The following SHARPIN variants were observed in gnomAD, a reference collection of about 807,000 sequenced individuals.
SHARPIN encodes the protein hSIPL1.
Under a neutral mutation model 40.3 loss-of-function variants are expected in SHARPIN, and 25 were observed. The ratio of observed to expected loss-of-function variants is 0.62; its 90% CI spans 0.45 to 0.87. The LOEUF (loss-of-function observed/expected upper bound fraction) is 0.87, where lower values mean the gene tolerates loss of function less well. Among genes scored for constraint, SHARPIN ranks in the 40% least tolerant of loss-of-function variants. The pLI is 0.00. For missense variants in SHARPIN, 551 were observed against 516.1 expected (o/e 1.07, Z -0.66); for synonymous variants, 274 against 221.8 (o/e 1.24, Z -2.09).
In SHARPIN at chr8:144,099,398, C is replaced by T. The variant is rs1260749602; in HGVS notation, c.801G>A (p.Val267=). 1 of 1,613,018 alleles carries T rather than the reference C, an allele frequency of 6.2e-7. No homozygotes were observed. The highest frequency in any genetic ancestry group is 8.5e-7 in the Non-Finnish European group (1 of 1,179,504). The change falls in exon 6 of 9, where the codon GTG becomes GTA. Residue 267 remains valine, a synonymous_variant. Coordinates refer to ENST00000398712, the MANE Select transcript of SHARPIN (RefSeq NM_030974.4). ...GGCACCGTCCGATGACCCAGCGTTG[C>T]ACGGCTGGCGGGAAACCGAGCTCTG... ...VFSELGFPPA[V]QRWVIGRCLC... is the part of the protein sequence containing the mutation.
rs992686614 is a variant in SHARPIN at position 144,103,707 on chromosome 8, C to A, written c.47G>T (p.Gly16Val). ...GGAAAAASDL[G>V]SAAVLLAVHA... ...CACAGCCAAGAGCACTGCGGCGGAG[C>A]CCAAGTCCGAGGCCGCCGCCGCCGC... Residue 16 changes from glycine to valine, a missense_variant, in exon 1 of 9, where the codon GGC (glycine) becomes GTC (valine). Transcript: ENST00000398712. The A allele has an allele frequency of 4.9e-6, 7 of 1,440,686 alleles. No homozygotes were observed. Among genetic ancestry groups the A allele is most frequent in the Admixed American group, 5.4e-5 (2 of 36,854 alleles). 89.2% of individuals were successfully genotyped at this position (1,440,686 alleles called of 1,614,324 possible). A position where few individuals can be genotyped will look rare whatever the true frequency, so the allele number is the denominator to read the frequency against.
At chr8:144,101,575 ATTTTTT>A (rs58173496) in intron 2 of SHARPIN, among the ~76,000 whole-genome samples, 62 of 87,536 alleles carry the variant, frequency 7.1e-4, no homozygotes, top group South Asian at 1.9e-3. Context: ...CACCCAGCTA[ATTTTTT>A]TTTTTTTTTT....
At chr8:144,103,453 G>A (rs1836331980) in intron 1 of SHARPIN, 100 bp downstream of exon 1, 1 of 1,292,370 alleles carries the variant, frequency 7.7e-7, no homozygotes, top group Non-Finnish European at 1.1e-6. Context: ...AAACATAACT[G>A]CTTAAGGGCA....
At chr8:144,102,853 GC>G in intron 2 of SHARPIN, 197 bp downstream of exon 2, 2 of 672,944 alleles carry the variant, frequency 3.0e-6, no homozygotes, top group Non-Finnish European at 5.2e-6. Flanking sequence ...ACTTGTGCTG[GC>G]TGGGGCCTCA....
chr8:144,099,798 C>T lies in SHARPIN; in HGVS notation c.564G>A (p.Glu188=). The T allele has an allele frequency of 6.2e-7, 1 of 1,612,930 alleles. No homozygotes were observed. Among genetic ancestry groups the T allele is most frequent in the Non-Finnish European group, 8.5e-7 (1 of 1,179,994 alleles). ...CGGCTGCCACTTGGGCTGCCCCCTT[C>T]TCGTCTCCACCTGCAATAGCCCGGG... is the stretch of plus-strand genomic sequence containing the variant. The part of the protein sequence containing the change: ...SLARAIAGGD[E]KGAAQVAAVL... Residue 188 remains glutamate, a synonymous_variant, in exon 4 of 9, where the codon GAG becomes GAA. Transcript: ENST00000398712.
chr8:144,099,591 G>A lies in SHARPIN; in HGVS notation c.687C>T (p.Ala229=). The A allele has an allele frequency of 1.9e-6, 3 of 1,614,082 alleles. No individual in the cohort carries two copies. The highest frequency in any genetic ancestry group is 1.7e-6 in the Non-Finnish European group (2 of 1,179,994). ...IRLQVTLEDA[A]SAASAASSAH... ...CAGAGGACGCGGCGGATGCGGCAGA[G>A]GCAGCGTCTTCAAGTGTGACCTGCA... The change falls in exon 5 of 9, where the codon GCC becomes GCT. Residue 229 remains alanine (A), a synonymous_variant. Transcript: ENST00000398712.
At position 144,099,193 on chromosome 8, in the gene SHARPIN, C is replaced by G. The variant is rs1425190173; in HGVS notation, c.935G>C (p.Ser312Thr). The change falls in exon 7 of 9, where the codon AGC (serine) becomes ACC (threonine). Residue 312 changes from serine (S) to threonine (T), a missense_variant. Coordinates refer to ENST00000398712, the MANE Select transcript of SHARPIN (RefSeq NM_030974.4). ...GTCCATCTTCTGGGGGTGCTGAGGG[C>G]TAGGTCCTGTGGCTGAGGGGGTGGA... is the stretch of plus-strand genomic sequence containing the variant. ...APREAPATGP[S>T]PQHPQKMDGE... 3.1e-6 allele frequency: 5 copies of G among 1,604,390 alleles called. No individual in the cohort carries two copies. Among genetic ancestry groups the G allele is most frequent in the Non-Finnish European group, 4.3e-6 (5 of 1,176,238 alleles).
chr8:144,101,717 A>G (rs1836291761), intron 2 of SHARPIN, among the ~76,000 whole-genome samples: 1 of 150,274 alleles, frequency 6.7e-6, no homozygotes, highest in African/African-American at 2.5e-5. Flanking sequence ...TGCCCGGCCC[A>G]CTCAGCTAAT....
intron 1 of SHARPIN, 129 bp downstream of exon 1, chr8:144,103,424 C>T (rs956932397): frequency 2.6e-6 from 3 of 1,145,364 alleles, no homozygotes; most frequent in Non-Finnish European, 3.7e-6. Context: ...ATTTCACGGA[C>T]GAGAAAACAG....
In SHARPIN at chr8:144,098,980, A is replaced by G. The variant is rs1471380195; in HGVS notation, c.1062T>C (p.Cys354=). ...GGGCATTGATGAAGGTGCAGGAAGG[A>G]CAGGACCAGCTGGGCTGGGGGAAGA... is the stretch of plus-strand genomic sequence containing the variant. ...LPSPLQPSWS[C]PSCTFINAPD... Residue 354 remains cysteine (C), a synonymous_variant, in exon 8 of 9, where the codon TGT becomes TGC. Transcript: ENST00000398712. 6.2e-7 allele frequency: 1 copy of G among 1,602,782 alleles called. No individual in the cohort carries two copies. Among genetic ancestry groups the G allele is most frequent in the African/African-American group, 1.4e-5 (1 of 74,040 alleles).
chr8:144,100,211 C>G (rs1836263722), intron 2 of SHARPIN, 142 bp from the exon 3 acceptor site: 1 of 1,034,576 alleles, frequency 9.7e-7, no homozygotes, highest in Non-Finnish European at 1.3e-6. Flanking sequence ...CACACCTTCT[C>G]CCAGCCTTGG....
chr8:144,099,575 C>G lies in SHARPIN; in HGVS notation c.703G>C (p.Ala235Pro). The G allele has an allele frequency of 6.2e-7, 1 of 1,614,080 alleles. No individual in the cohort carries two copies. Among genetic ancestry groups the G allele is most frequent in the Non-Finnish European group, 8.5e-7 (1 of 1,180,012 alleles). ...TGCAGGGCAACGTGTGCAGAGGACG[C>G]GGCGGATGCGGCAGAGGCAGCGTCT... ...LEDAASAASA[A>P]SSAHVALQVH... The change falls in exon 5 of 9, where the codon GCG becomes CCG. Residue 235 changes from alanine to proline, a missense_variant. By Grantham distance (27) the Ala-to-Pro change is conservative. Coordinates refer to ENST00000398712, the MANE Select transcript of SHARPIN (RefSeq NM_030974.4).
Position 144,103,156 on chromosome 8 carries a change from G to C in SHARPIN, c.271C>G (p.Pro91Ala), listed in dbSNP as rs765165425. ...AGGGTTCCAGGCCCTCCTGGTGGAG[G>C]CTGTAGCTCGTGCTGGGTGGGGCCT... ...IRGPTQHELQ[P>A]PPGGPGTLSL... The change falls in exon 2 of 9, where the codon CCT becomes GCT. Residue 91 changes from proline (P) to alanine (A), a missense_variant. Coordinates refer to ENST00000398712, the MANE Select transcript of SHARPIN (RefSeq NM_030974.4). The C allele has an allele frequency of 3.1e-6, 5 of 1,613,596 alleles. No homozygotes were observed. The highest frequency in any genetic ancestry group is 1.7e-4 in the Middle Eastern group (1 of 6,048).
At position 144,103,697 on chromosome 8, in the gene SHARPIN, T is replaced by G. The variant is rs760404820; in HGVS notation, c.57A>C (p.Ala19=). 2.7e-6 allele frequency: 4 copies of G among 1,481,822 alleles called. No individual in the cohort carries two copies. The South Asian group carries it at 3.8e-5, about 14-fold the overall frequency. The allele number at this position is 1,481,822 out of a possible 1,614,324, so 91.8% of individuals were successfully genotyped here. ...CCGCGGCGTGCACAGCCAAGAGCAC[T>G]GCGGCGGAGCCCAAGTCCGAGGCCG... ...AAAASDLGSA[A]VLLAVHAAVR... is the part of the protein sequence containing the mutation. Residue 19 remains alanine (A), a synonymous_variant, in exon 1 of 9, where the codon GCA becomes GCC. Transcript: ENST00000398712.
At position 144,098,661 on chromosome 8, in the gene SHARPIN, T is replaced by G; in HGVS notation, c.*140A>C. On this transcript the variant is annotated 3_prime_UTR_variant, in exon 9 of 9. Coordinates refer to ENST00000398712, the MANE Select transcript of SHARPIN (RefSeq NM_030974.4). ...CTGGCTCTTAAGGGTCTTTAATGGTTTCATTTTGTGGCCCTTCCCCCCAAC... is the reference window on the plus strand; with the variant it reads ...CTGGCTCTTAAGGGTCTTTAATGGTGTCATTTTGTGGCCCTTCCCCCCAAC... The G allele has an allele frequency of 2.3e-6, 1 of 440,350 alleles. No individual in the cohort carries two copies. Among genetic ancestry groups the G allele is most frequent in the South Asian group, 3.1e-5 (1 of 32,696 alleles). 27.3% of individuals were successfully genotyped at this position (440,350 alleles called of 1,614,324 possible).
In SHARPIN at chr8:144,099,817, G is replaced by A. The variant is rs1238522009; in HGVS notation, c.545C>T (p.Ala182Val). The A allele has an allele frequency of 3.1e-6, 5 of 1,612,520 alleles. No individual in the cohort carries two copies. The highest frequency in any genetic ancestry group is 1.3e-5 in the African/African-American group (1 of 74,918). The change falls in exon 4 of 9, where the codon GCT becomes GTT. Residue 182 changes from alanine (A) to valine (V), a missense_variant. Coordinates refer to ENST00000398712, the MANE Select transcript of SHARPIN (RefSeq NM_030974.4). The part of the protein sequence containing the change: ...REELAGSLAR[A>V]IAGGDEKGAA... ...CCCCTTCTCGTCTCCACCTGCAATAGCCCGGGCCAGGCTCCCTGCCAGCTC... is the reference window on the plus strand; with the variant it reads ...CCCCTTCTCGTCTCCACCTGCAATAACCCGGGCCAGGCTCCCTGCCAGCTC...
At chr8:144,103,484 G>T in intron 1 of SHARPIN, 69 bp downstream of exon 1, 1 of 1,455,680 alleles carries the variant, frequency 6.9e-7, no homozygotes, top group Non-Finnish European at 9.2e-7. Context: ...AAGCGGAGGG[G>T]CCTAACTTTG....
chr8:144,100,028 A>G lies in SHARPIN; in HGVS notation c.418T>C (p.Cys140Arg). 6.3e-7 allele frequency: 1 copy of G among 1,597,878 alleles called. No individual in the cohort carries two copies. The highest frequency in any genetic ancestry group is 8.5e-7 in the Non-Finnish European group (1 of 1,171,916). ...GGGGGACTGGGCAGGGAGACAGGGCATGCTTCTGGGCCCAAGGCTGGTGGT... is the reference window on the plus strand; with the variant it reads ...GGGGGACTGGGCAGGGAGACAGGGCGTGCTTCTGGGCCCAAGGCTGGTGGT... ...NSPPALGPEA[C>R]PVSLPSPPEA... Residue 140 changes from cysteine (C) to arginine (R), a missense_variant, in exon 3 of 9, where the codon TGC (cysteine) becomes CGC (arginine). Physicochemically the swap from Cys to Arg is radical, Grantham distance 180. Transcript: ENST00000398712.
At chr8:144,100,138 G>C in intron 2 of SHARPIN, 69 bp from the exon 3 acceptor site, 1 of 1,506,734 alleles carries the variant, frequency 6.6e-7, no homozygotes, top group Non-Finnish European at 8.9e-7. Context: ...GGTTTTCCAG[G>C]ACCTTTGCCT....
Sources: allele counts gnomAD v4.1 joint callset (sites outside exome capture counted in the v4.1 genomes callset), GRCh38; gene constraint gnomAD v4.1.1; transcripts MANE v1.5; gene names NCBI Gene and HGNC (gene_info 2026-07-23, HGNC 2026-07-21).